ARHGEF10: variants seen among roughly 807,000 people sequenced by gnomAD.
The protein encoded by ARHGEF10 is Rho guanine nucleotide exchange factor 10.
Under a neutral mutation model 147.4 loss-of-function variants are expected in ARHGEF10, and 140 were observed. The observed-to-expected ratio is 0.95, with a 90% CI of 0.83 to 1.09. The LOEUF is 1.09. ARHGEF10 is among the 50% of genes least tolerant of loss of function. ARHGEF10 has a pLI of 0.00. For missense variants in ARHGEF10, 2,222 were observed against 1,752.7 expected, an observed-to-expected ratio of 1.27 and a Z score of -4.78; for synonymous variants, 902 against 695.8, an observed-to-expected ratio of 1.30 and a Z score of -4.67.
intron 15 of ARHGEF10, among the ~76,000 whole-genome samples, chr8:1,902,419 G>C (rs551180166): frequency 6.6e-6 from 1 of 152,188 alleles, no homozygotes; most frequent in Non-Finnish European, 1.5e-5. Flanking sequence ...GGCTGTTGTT[G>C]TTGATTTGTG....
intron 1 of ARHGEF10, among the ~76,000 whole-genome samples, chr8:1,830,193 C>G (rs995594864): frequency 7.9e-5 from 12 of 152,200 alleles, no homozygotes; most frequent in African/African-American, 2.4e-4. Context: ...GTGCGCGCAC[C>G]TGTAATCCTG....
chr8:1,939,196 A>C (rs890893896), intron 26 of ARHGEF10, among the ~76,000 whole-genome samples: 7 of 152,254 alleles, frequency 4.6e-5, no homozygotes, highest in African/African-American at 1.7e-4. Flanking sequence ...AGGCAAACGG[A>C]GACTTAGAGA....
rs1237723098 is a variant in ARHGEF10, at chr8:1,860,053, T to G, written c.350T>G (p.Val117Gly). 1.2e-6 allele frequency: 2 copies of G among 1,613,994 alleles called. No individual in the cohort carries two copies. Among genetic ancestry groups the G allele is most frequent in the Non-Finnish European group, 1.7e-6 (2 of 1,180,012 alleles). ...GTGCCCAGCGCTGAGGAGGAGAATG[T>G]GGGTCTCCATGTGCCCTGCGGGTAC... ...TPVPSAEEENVGLHVPCGYLV... is the reference protein window; with the variant it reads ...TPVPSAEEENGGLHVPCGYLV... Residue 117 changes from valine (V) to glycine (G), a missense_variant, in exon 4 of 29, where the codon GTG (valine) becomes GGG (glycine). Val to Gly is a moderately radical substitution (Grantham distance 109, BLOSUM62 -3). Coordinates refer to ENST00000349830, the MANE Select transcript of ARHGEF10 (RefSeq NM_014629.4).
intron 9 of ARHGEF10, among the ~76,000 whole-genome samples, chr8:1,881,330 C>G (rs1808176170): frequency 6.6e-6 from 1 of 152,158 alleles, no homozygotes; most frequent in Middle Eastern, 3.2e-3. Flanking sequence ...TTGCAGTTCT[C>G]TGATACTCTG....
chr8:1,855,196 T>C (rs922483334), intron 2 of ARHGEF10, among the ~76,000 whole-genome samples: 1 of 152,252 alleles, frequency 6.6e-6, no homozygotes, highest in Non-Finnish European at 1.5e-5. Context: ...TCAAGCTTTT[T>C]TAAAAAACAA....
intron 18 of ARHGEF10, among the ~76,000 whole-genome samples, chr8:1,914,936 C>G (rs1811644989): frequency 6.6e-6 from 1 of 152,212 alleles, no homozygotes; most frequent in Non-Finnish European, 1.5e-5. Context: ...TCTTCAGTAG[C>G]TTTCCTGCAA....
At chr8:1,834,114 G>T (rs983326640) in intron 1 of ARHGEF10, among the ~76,000 whole-genome samples, 2 of 152,188 alleles carry the variant, frequency 1.3e-5, no homozygotes, top group African/African-American at 4.8e-5. Context: ...GACTCTCATG[G>T]CACGGACAGT....
Position 1,945,665 on chromosome 8 carries a change from C to T in ARHGEF10, c.3397+10C>T, listed in dbSNP as rs376851130. 1.9e-5 allele frequency: 31 copies of T among 1,613,792 alleles called. No individual in the cohort carries two copies. Among genetic ancestry groups the T allele is most frequent in the African/African-American group, 1.3e-4 (10 of 74,872 alleles). On this transcript the variant is annotated intron_variant, in intron 27 of 28. Transcript: ENST00000349830. ...CACAACATGCTGCCAGGTAAGGGGA[C>T]GGGACGGGGCCCAGGGATGGGACAG...
intron 6 of ARHGEF10, among the ~76,000 whole-genome samples, chr8:1,868,718 T>A (rs1806827740): frequency 6.6e-6 from 1 of 152,232 alleles, no homozygotes; most frequent in Non-Finnish European, 1.5e-5. Context: ...GGTTTTCCAT[T>A]GTATCCAGCA....
At chr8:1,933,553 G>C (rs1311993945) in intron 25 of ARHGEF10, among the ~76,000 whole-genome samples, 1 of 137,442 alleles carries the variant, frequency 7.3e-6, no homozygotes, top group African/African-American at 2.6e-5. Flanking sequence ...GGATAGGCAG[G>C]GGGGCGGGTG....
intron 22 of ARHGEF10, 46 bp from the exon 23 acceptor site, chr8:1,926,331 C>T (rs188673189): frequency 6.6e-7 from 1 of 1,518,794 alleles, no homozygotes; most frequent in Non-Finnish European, 9.1e-7. Context: ...CTAGGAGCCT[C>T]TTAGCTCTGT....
intron 7 of ARHGEF10, among the ~76,000 whole-genome samples, chr8:1,873,439 C>T (rs1226097372): frequency 6.6e-6 from 1 of 151,668 alleles, no homozygotes; most frequent in South Asian, 2.1e-4. Context: ...GAGGAGCCCG[C>T]GGGGTAGTGC....
chr8:1,828,814 C>T (rs1802918229), intron 1 of ARHGEF10, among the ~76,000 whole-genome samples: 1 of 152,116 alleles, frequency 6.6e-6, no homozygotes, highest in African/African-American at 2.4e-5. Context: ...CCGTGGCATG[C>T]ACACTTACGG....
At chr8:1,875,624 C>T (rs1442669599) in intron 7 of ARHGEF10, among the ~76,000 whole-genome samples, 1 of 152,228 alleles carries the variant, frequency 6.6e-6, no homozygotes, top group Non-Finnish European at 1.5e-5. Flanking sequence ...TGCTGTTGAC[C>T]TGCCAGAACT....
chr8:1,890,873 G>A (rs1397094627), intron 11 of ARHGEF10, among the ~76,000 whole-genome samples: 4 of 152,172 alleles, frequency 2.6e-5, no homozygotes, highest in Admixed American at 1.3e-4. Context: ...TTTGCTCAGC[G>A]AATTGGCAGT....
At chr8:1,858,227 A>C in intron 3 of ARHGEF10, 112 bp downstream of exon 3, 1 of 695,024 alleles carries the variant, frequency 1.4e-6, no homozygotes, top group South Asian at 4.0e-5. Context: ...TCCCCAGGTG[A>C]GTCCCCAGGT....
intron 1 of ARHGEF10, among the ~76,000 whole-genome samples, chr8:1,838,145 A>ACCGGGGGTG (rs1388074669): frequency 1.3e-5 from 2 of 152,146 alleles, no homozygotes; most frequent in East Asian, 1.9e-4. Flanking sequence ...GCTGGGATCC[A>ACCGGGGGTG]CCGGGGGTGC....
At chr8:1,859,198 G>A (rs959252284) in intron 3 of ARHGEF10, among the ~76,000 whole-genome samples, 3,558 of 85,296 alleles carry the variant, frequency 0.042, no homozygotes, top group South Asian at 0.072. Context: ...TTGTTTGCCC[G>A]GTGTTTCTTT....
At chr8:1,872,433 G>C (rs577999378) in intron 7 of ARHGEF10, among the ~76,000 whole-genome samples, 2 of 152,302 alleles carry the variant, frequency 1.3e-5, no homozygotes, top group Non-Finnish European at 1.5e-5. Flanking sequence ...GCAGAAACTT[G>C]TAAACTCCCT....
Sources: allele counts gnomAD v4.1 joint callset (sites outside exome capture counted in the v4.1 genomes callset), GRCh38; gene constraint gnomAD v4.1.1; transcripts MANE v1.5; gene names NCBI Gene and HGNC (gene_info 2026-07-23, HGNC 2026-07-21).